Variants in DCDC2C observed in about 807,000 individuals in gnomAD.
The protein encoded by DCDC2C is doublecortin domain-containing protein 2C.
Under a neutral mutation model 45.0 loss-of-function variants are expected in DCDC2C, and 44 were observed. The observed-to-expected ratio is 0.98, with a 90% CI of 0.77 to 1.26. The LOEUF (loss-of-function observed/expected upper bound fraction) is 1.26. Among genes scored for constraint, DCDC2C ranks in the 50% most tolerant of loss-of-function variants. The pLI is 0.00. For missense variants in DCDC2C, 447 were observed against 468.9 expected (o/e 0.95, Z 0.43); for synonymous variants, 187 against 178.8 (o/e 1.05, Z -0.37).
chr2:3,829,503 T>G lies in DCDC2C; in HGVS notation c.1066-17651T>G, dbSNP rs545918614. 1.1e-4 allele frequency among the ~76,000 whole-genome samples: 16 copies of G among 152,206 alleles called. No individual in the cohort carries two copies. In the East Asian group the frequency reaches 3.1e-3, roughly 29 times the overall value. ...CACAGTTGCCTGCCCGACCTGCCTT[T>G]TTGATCACATGTTCCCAGTTCAAAA... On this transcript the variant is annotated intron_variant, in intron 10 of 10. Transcript: ENST00000399143.
At chr2:3,757,669 G>A (rs1669759063) in intron 6 of DCDC2C, among the ~76,000 whole-genome samples, 1 of 152,180 alleles carries the variant, frequency 6.6e-6, no homozygotes, top group African/African-American at 2.4e-5. Context: ...AAGATGAGTG[G>A]AGTGTAAGTT....
intron 10 of DCDC2C, among the ~76,000 whole-genome samples, chr2:3,832,643 C>T (rs1369451435): frequency 3.3e-5 from 5 of 152,174 alleles, no homozygotes; most frequent in Non-Finnish European, 7.3e-5. Flanking sequence ...TTCTCCAAAC[C>T]AAGTCAAACA....
chr2:3,769,165 G>C (rs142499450), intron 7 of DCDC2C, 146 bp from the exon 8 acceptor site: 1 of 659,746 alleles, frequency 1.5e-6, no homozygotes, highest in Admixed American at 2.5e-5. Flanking sequence ...GGGGTGAGGC[G>C]GACGGGGTTT....
chr2:3,789,066 G>A (rs1173048776), intron 10 of DCDC2C, among the ~76,000 whole-genome samples: 4 of 151,926 alleles, frequency 2.6e-5, no homozygotes, highest in Admixed American at 6.6e-5. Context: ...TGGCCAGGCT[G>A]ATCTTGAACT....
chr2:3,831,951 T>C (rs116152160), intron 10 of DCDC2C, among the ~76,000 whole-genome samples: 3,738 of 152,290 alleles, frequency 0.025, 147 homozygotes, highest in African/African-American at 0.083. Context: ...TTCTGGACTT[T>C]CCTTGAGTTC....
intron 10 of DCDC2C, among the ~76,000 whole-genome samples, chr2:3,839,258 T>C (rs983297699): frequency 3.3e-5 from 5 of 152,198 alleles, no homozygotes; most frequent in African/African-American, 1.2e-4. Flanking sequence ...ATACAGAAAT[T>C]AAATGCTATC....
chr2:3,744,934 C>A (rs767318823), intron 4 of DCDC2C, among the ~76,000 whole-genome samples: 3 of 152,084 alleles, frequency 2.0e-5, no homozygotes, highest in Non-Finnish European at 2.9e-5. Context: ...AGTAGATAGA[C>A]CTGTGTATAC....
intron 10 of DCDC2C, among the ~76,000 whole-genome samples, chr2:3,820,680 A>C (rs1671667221): frequency 6.6e-6 from 1 of 152,130 alleles, no homozygotes; most frequent in Non-Finnish European, 1.5e-5. Flanking sequence ...ACTAGAGAGG[A>C]AAAAGAACTG....
At chr2:3,746,541 A>G (rs1169477865) in intron 4 of DCDC2C, among the ~76,000 whole-genome samples, 1 of 152,128 alleles carries the variant, frequency 6.6e-6, no homozygotes, top group Non-Finnish European at 1.5e-5. Context: ...ATGCTTGTGA[A>G]TTTCTCTGAG....
At chr2:3,769,708 C>T (rs1021784154) in intron 8 of DCDC2C, among the ~76,000 whole-genome samples, 1 of 152,354 alleles carries the variant, frequency 6.6e-6, no homozygotes, top group Admixed American at 6.5e-5. Context: ...AAGCTACTGA[C>T]TCCATAAGGA....
intron 9 of DCDC2C, among the ~76,000 whole-genome samples, chr2:3,782,950 C>T (rs1670556201): frequency 1.3e-5 from 2 of 152,144 alleles, no homozygotes; most frequent in South Asian, 4.1e-4. Context: ...AATGGCAATG[C>T]CAAAAAATGT....
intron 1 of DCDC2C, 46 bp downstream of exon 1, chr2:3,704,084 C>T: frequency 1.6e-6 from 2 of 1,234,162 alleles, no homozygotes; most frequent in Non-Finnish European, 2.0e-6. Context: ...CCTCCCCGCC[C>T]TCTTGGGTCT....
At chr2:3,830,193 A>G (rs986667171) in intron 10 of DCDC2C, among the ~76,000 whole-genome samples, 3 of 152,354 alleles carry the variant, frequency 2.0e-5, no homozygotes, top group Non-Finnish European at 2.9e-5. Flanking sequence ...TTACATATCA[A>G]TCAGCTTACC....
At chr2:3,720,255 A>C (rs1478984850) in intron 2 of DCDC2C, among the ~76,000 whole-genome samples, 1 of 152,188 alleles carries the variant, frequency 6.6e-6, no homozygotes, top group African/African-American at 2.4e-5. Context: ...GGACGTAGCA[A>C]AACGTTGTGG....
chr2:3,762,720 C>T (rs1317297799), intron 6 of DCDC2C, among the ~76,000 whole-genome samples: 5 of 152,166 alleles, frequency 3.3e-5, no homozygotes, highest in Non-Finnish European at 5.9e-5. Flanking sequence ...GCCCCACCTC[C>T]AAGGATGGAG....
rs950192689 is a variant in DCDC2C at position 3,708,633 on chromosome 2, A to G, written c.339+33A>G. On this transcript the variant is annotated intron_variant, in intron 2 of 10. Coordinates refer to ENST00000399143, the MANE Select transcript of DCDC2C (RefSeq NM_001287444.2). ...TTTGCTTCTAACAACTAATAATGGA[A>G]TAAATTGGCCAACTTGGTAAAAATT... 4.7e-6 allele frequency: 7 copies of G among 1,501,964 alleles called. No homozygotes were observed. The African/African-American group carries it at 9.8e-5, about 21-fold the overall frequency. 93.0% of individuals were successfully genotyped at this position (1,501,964 alleles called of 1,614,324 possible).
At chr2:3,750,650 T>C (rs890862178) in intron 4 of DCDC2C, among the ~76,000 whole-genome samples, 1 of 152,178 alleles carries the variant, frequency 6.6e-6, no homozygotes, top group African/African-American at 2.4e-5. Context: ...CCAGTGCCTT[T>C]AGGATGCTGT....
chr2:3,760,622 G>A (rs74475487), intron 6 of DCDC2C, among the ~76,000 whole-genome samples: 15,016 of 152,042 alleles, frequency 0.099, 1,075 homozygotes, highest in East Asian at 0.36. Flanking sequence ...CATGGGAGTC[G>A]AACAATGAGA....
chr2:3,720,373 T>C (rs1382794410), intron 2 of DCDC2C, among the ~76,000 whole-genome samples: 1 of 146,940 alleles, frequency 6.8e-6, no homozygotes, highest in Non-Finnish European at 1.5e-5. Context: ...AAGCCTGCAC[T>C]CTCCCTGCCT....
Sources: allele counts gnomAD v4.1 joint callset (sites outside exome capture counted in the v4.1 genomes callset), GRCh38; gene constraint gnomAD v4.1.1; transcripts MANE v1.5; gene names NCBI Gene and HGNC (gene_info 2026-07-23, HGNC 2026-07-21).